Variants in ERC2 observed in about 807,000 individuals in gnomAD.
ERC2 encodes the protein ELKS/RAB6-interacting/CAST family member 2, also known as ERC protein 2.
In ERC2, 42 loss-of-function variants were observed where a neutral mutation model predicts 114.8. The ratio of observed to expected loss-of-function variants is 0.37; its 90% CI spans 0.29 to 0.47. The LOEUF is 0.47. Among genes scored for constraint, ERC2 ranks in the 20% least tolerant of loss-of-function variants. The pLI is 0.99. For synonymous variants in ERC2, 454 were observed against 425.5 expected, an observed-to-expected ratio of 1.07 and a Z score of -0.82; for missense variants, 939 against 1,150.7, an observed-to-expected ratio of 0.82 and a Z score of 2.66.
intron 17 of ERC2, among the ~76,000 whole-genome samples, chr3:55,589,881 T>C (rs553189647): frequency 7.9e-5 from 12 of 152,124 alleles, no homozygotes; most frequent in African/African-American, 2.4e-4. Context: ...GGGGCAAAAA[T>C]GTGTGTGAAA....
chr3:55,708,680 C>A (rs2063608912), intron 15 of ERC2, among the ~76,000 whole-genome samples: 1 of 152,018 alleles, frequency 6.6e-6, no homozygotes, highest in East Asian at 1.9e-4. Flanking sequence ...TTAGGAGTTT[C>A]TTTAGAAAGT....
intron 17 of ERC2, among the ~76,000 whole-genome samples, chr3:55,549,551 A>G (rs1391234074): frequency 6.8e-6 from 1 of 148,010 alleles, no homozygotes; most frequent in East Asian, 2.0e-4. Context: ...CTCTGATATC[A>G]ATAAACTCAC....
intron 2 of ERC2, among the ~76,000 whole-genome samples, chr3:56,297,972 G>C (rs559599729): frequency 6.6e-6 from 1 of 152,228 alleles, no homozygotes; most frequent in African/African-American, 2.4e-5. Flanking sequence ...GAAATTATTA[G>C]AGCATTCTCA....
At chr3:55,527,756 G>T (rs937573356) in intron 17 of ERC2, among the ~76,000 whole-genome samples, 37 of 152,162 alleles carry the variant, frequency 2.4e-4, no homozygotes, top group Admixed American at 4.6e-4. Context: ...ATGATTCTCA[G>T]GTATAGGTGG....
intron 2 of ERC2, among the ~76,000 whole-genome samples, chr3:56,334,265 C>T (rs532962784): frequency 1.3e-5 from 2 of 152,252 alleles, no homozygotes; most frequent in East Asian, 1.9e-4. Context: ...GGCCGACTGG[C>T]GGAGGGCAGG....
intron 15 of ERC2, among the ~76,000 whole-genome samples, chr3:55,728,781 G>T (rs1164855560): frequency 6.6e-6 from 1 of 152,194 alleles, no homozygotes; most frequent in South Asian, 2.1e-4. Flanking sequence ...CCTCTTGACA[G>T]CAAGGAAGGT....
chr3:56,079,218 C>T (rs1042968261), intron 7 of ERC2, among the ~76,000 whole-genome samples: 1 of 152,034 alleles, frequency 6.6e-6, no homozygotes, highest in Non-Finnish European at 1.5e-5. Context: ...TTTCATTTCA[C>T]CATATAATCA....
chr3:55,525,170 G>T (rs1256312750), intron 17 of ERC2, among the ~76,000 whole-genome samples: 2 of 152,218 alleles, frequency 1.3e-5, no homozygotes, highest in East Asian at 3.8e-4. Flanking sequence ...GAAGGCAGAA[G>T]AATTTCCTTT....
chr3:55,604,357 TATAA>T (rs1164233702), intron 17 of ERC2, among the ~76,000 whole-genome samples: 1 of 152,208 alleles, frequency 6.6e-6, no homozygotes, highest in Non-Finnish European at 1.5e-5. Flanking sequence ...CATCTATATA[TATAA>T]ATATCAATAA....
intron 14 of ERC2, among the ~76,000 whole-genome samples, chr3:55,780,360 A>T (rs2068940677): frequency 6.6e-6 from 1 of 152,214 alleles, no homozygotes; most frequent in African/African-American, 2.4e-5. Flanking sequence ...ATAATGCAGG[A>T]ATGTGTCAGG....
At chr3:56,455,115 T>C (rs2063006107) in intron 1 of ERC2, among the ~76,000 whole-genome samples, 1 of 152,156 alleles carries the variant, frequency 6.6e-6, no homozygotes, top group East Asian at 1.9e-4. Context: ...GCTCTGGAGA[T>C]TGATGGTGGT....
intron 17 of ERC2, among the ~76,000 whole-genome samples, chr3:55,629,576 C>T (rs1161444292): frequency 1.3e-5 from 2 of 152,120 alleles, no homozygotes; most frequent in Non-Finnish European, 2.9e-5. Context: ...GCATAATTAC[C>T]TGTATACTCA....
At chr3:55,800,579 C>G (rs2070964871) in intron 14 of ERC2, among the ~76,000 whole-genome samples, 1 of 152,142 alleles carries the variant, frequency 6.6e-6, no homozygotes, top group Non-Finnish European at 1.5e-5. Context: ...CACAATGACA[C>G]AAGACCTAAG....
At chr3:55,867,548 A>G (rs560540180) in intron 14 of ERC2, among the ~76,000 whole-genome samples, 2 of 152,294 alleles carry the variant, frequency 1.3e-5, no homozygotes, top group East Asian at 3.9e-4. Flanking sequence ...CATGTAGATG[A>G]AAAAAACAAG....
intron 13 of ERC2, among the ~76,000 whole-genome samples, chr3:55,891,652 G>A (rs1382829932): frequency 5.9e-5 from 9 of 151,760 alleles, no homozygotes; most frequent in Admixed American, 6.6e-5. Flanking sequence ...TCACCATGTT[G>A]GCCAGGATGG....
intron 2 of ERC2, among the ~76,000 whole-genome samples, chr3:56,345,202 TA>T (rs1200095717): frequency 7.2e-5 from 11 of 152,234 alleles, no homozygotes; most frequent in Admixed American, 1.3e-4. Context: ...GGATCTGGTT[TA>T]CCCTCCCTGA....
intron 17 of ERC2, among the ~76,000 whole-genome samples, chr3:55,558,110 T>C (rs1364512615): frequency 6.6e-6 from 1 of 152,232 alleles, no homozygotes; most frequent in Non-Finnish European, 1.5e-5. Context: ...GCTACCATCA[T>C]ATGATTTCAG....
At chr3:56,123,846 G>A (rs1338037116) in intron 6 of ERC2, among the ~76,000 whole-genome samples, 1 of 152,108 alleles carries the variant, frequency 6.6e-6, no homozygotes, top group Non-Finnish European at 1.5e-5. Context: ...CTTTGTTTCT[G>A]CCTTTATTAT....
intron 17 of ERC2, among the ~76,000 whole-genome samples, chr3:55,585,989 G>A (rs1029833099): frequency 3.9e-5 from 6 of 152,228 alleles, no homozygotes; most frequent in African/African-American, 1.4e-4. Flanking sequence ...AGCCACAGGA[G>A]GGAAGGCTCC....
Sources: gnomAD v4.1 joint callset for allele counts (sites outside exome capture counted in the v4.1 genomes callset) on GRCh38, gnomAD v4.1.1 for gene constraint, MANE v1.5 for transcripts, NCBI Gene and HGNC (gene_info 2026-07-23, HGNC 2026-07-21) for gene names.